DNAH3: variants seen among roughly 807,000 people sequenced by gnomAD.
DNAH3 encodes the protein dynein axonemal heavy chain 3, also known as axonemal beta dynein heavy chain 3.
DNAH3 carries 332 observed loss-of-function variants against 432.5 expected under a neutral mutation model. That is an observed-to-expected ratio of 0.77 (90% CI 0.70 to 0.84). The LOEUF (loss-of-function observed/expected upper bound fraction) is 0.84. Among genes scored for constraint, DNAH3 ranks in the 40% least tolerant of loss-of-function variants. DNAH3 has a pLI of 0.00. For synonymous variants in DNAH3, 1,956 were observed against 1,900.2 expected, an observed-to-expected ratio of 1.03 and a Z score of -0.76; for missense variants, 4,861 against 5,114.0, an observed-to-expected ratio of 0.95 and a Z score of 1.51.
At chr16:21,105,790 T>C (rs1597386780) in intron 15 of DNAH3, among the ~76,000 whole-genome samples, 1 of 152,012 alleles carries the variant, frequency 6.6e-6, no homozygotes, top group East Asian at 1.9e-4. Context: ...AAATAAAAGA[T>C]TACAGGTAAG....
intron 1 of DNAH3, among the ~76,000 whole-genome samples, chr16:21,156,228 T>TTTTATTTTA (rs2092896944): frequency 6.6e-6 from 1 of 150,398 alleles, no homozygotes; most frequent in African/African-American, 2.4e-5. Context: ...TATTTTATTA[T>TTTTATTTTA]TTTATTTTAT....
At chr16:20,980,162 G>GGA (rs1555516893) in intron 49 of DNAH3, among the ~76,000 whole-genome samples, 15 of 124,058 alleles carry the variant, frequency 1.2e-4, no homozygotes, top group African/African-American at 3.8e-4. Context: ...TGACTTTGTA[G>GGA]AAAAAAAAAT....
At chr16:21,154,216 C>T (rs957956702) in intron 1 of DNAH3, among the ~76,000 whole-genome samples, 1 of 152,170 alleles carries the variant, frequency 6.6e-6, no homozygotes, top group South Asian at 2.1e-4. Context: ...CCAACCTGGC[C>T]AACATGGTGA....
intron 57 of DNAH3, among the ~76,000 whole-genome samples, chr16:20,946,763 T>A (rs1320839159): frequency 6.6e-6 from 1 of 151,612 alleles, no homozygotes; most frequent in East Asian, 1.9e-4. Flanking sequence ...CTTTCCCTCC[T>A]TTTACCTGCC....
chr16:21,153,788 T>G (rs1457890305), intron 1 of DNAH3, among the ~76,000 whole-genome samples: 1 of 152,172 alleles, frequency 6.6e-6, no homozygotes, highest in Non-Finnish European at 1.5e-5. Context: ...ACGGCTTCAT[T>G]CTTGAAGTCA....
At chr16:21,066,351 T>G (rs972222561) in intron 24 of DNAH3, among the ~76,000 whole-genome samples, 1 of 152,018 alleles carries the variant, frequency 6.6e-6, no homozygotes, top group East Asian at 1.9e-4. Flanking sequence ...AGAATTCACC[T>G]TTCCGAAACT....
exon 43 of DNAH3, chr16:21,000,496 G>A (rs770896123): frequency 8.1e-6 from 13 of 1,609,792 alleles, no homozygotes; most frequent in Non-Finnish European, 8.5e-7. Flanking sequence ...TGTCTCCATT[G>A]TGGGGATGAT....
At chr16:20,997,875 GGCTTAT>G (rs1300305553) in intron 43 of DNAH3, among the ~76,000 whole-genome samples, 1 of 151,348 alleles carries the variant, frequency 6.6e-6, no homozygotes, top group Non-Finnish European at 1.5e-5. Context: ...CAGGCATGGT[GGCTTAT>G]GTCTGTGGTC....
At chr16:21,062,756 G>T in intron 24 of DNAH3, 73 bp from the exon 25 acceptor site, 1 of 1,251,304 alleles carries the variant, frequency 8.0e-7, no homozygotes, top group Non-Finnish European at 1.1e-6. Flanking sequence ...GATACTTTCT[G>T]ACAGGTAGTC....
At chr16:20,999,952 G>C (rs964086363) in intron 43 of DNAH3, among the ~76,000 whole-genome samples, 1 of 143,458 alleles carries the variant, frequency 7.0e-6, no homozygotes, top group Non-Finnish European at 1.5e-5. Context: ...ACAAGGAAGA[G>C]AGGAAGGAAA....
intron 12 of DNAH3, among the ~76,000 whole-genome samples, chr16:21,116,455 G>A (rs2092202281): frequency 6.6e-6 from 1 of 152,024 alleles, no homozygotes; most frequent in Admixed American, 6.6e-5. Context: ...CTGCTGCCAC[G>A]AGAAGAAGGA....
chr16:20,967,492 CTTTTTTTTTT>C (rs756357963), intron 52 of DNAH3, among the ~76,000 whole-genome samples: 49 of 52,806 alleles, frequency 9.3e-4, no homozygotes, highest in African/African-American at 4.2e-3. Flanking sequence ...CAGACTTCTG[CTTTTTTTTTT>C]TTTTTTTTTT....
intron 53 of DNAH3, among the ~76,000 whole-genome samples, chr16:20,960,046 G>A (rs1023556105): frequency 7.9e-5 from 12 of 152,092 alleles, no homozygotes; most frequent in African/African-American, 2.9e-4. Flanking sequence ...GGTAGCCAAT[G>A]TGATTAGATT....
chr16:21,121,597 TC>T (rs368115253), intron 10 of DNAH3, among the ~76,000 whole-genome samples: 5 of 151,626 alleles, frequency 3.3e-5, no homozygotes, highest in South Asian at 2.1e-4. Context: ...TTTTTTTTTT[TC>T]TTTTTTCTTT....
rs2086414815 is a variant in DNAH3, at chr16:20,989,323, G to A, written c.6602-1258C>T. Among the ~76,000 whole-genome samples the A allele has an allele frequency of 2.0e-5, 3 of 151,774 alleles. No individual in the cohort carries two copies. In the South Asian group the frequency reaches 6.2e-4, roughly 32 times the overall value. On this transcript the variant is annotated intron_variant, in intron 44 of 61. Transcript: ENST00000261383. ...GGTTCTCCAAGGCCCCACCAGAGCAGCTAGATACAGAGTGTTGATTGGTGC... is the reference window on the plus strand; with the variant it reads ...GGTTCTCCAAGGCCCCACCAGAGCAACTAGATACAGAGTGTTGATTGGTGC...
intron 57 of DNAH3, 37 bp downstream of exon 57, chr16:20,948,446 T>C (rs1166570273): frequency 6.2e-7 from 1 of 1,601,608 alleles, no homozygotes; most frequent in Non-Finnish European, 8.5e-7. Flanking sequence ...CGGAGCCCTG[T>C]GGGGGAAAGA....
At chr16:20,933,884 G>A (rs2083496973) in intron 61 of DNAH3, among the ~76,000 whole-genome samples, 1 of 152,242 alleles carries the variant, frequency 6.6e-6, no homozygotes, top group South Asian at 2.1e-4. Context: ...CTGGAGATGA[G>A]TGTGGGGAGA....
intron 2 of DNAH3, 36 bp downstream of exon 3, chr16:21,145,948 C>T (rs770397879): frequency 4.4e-6 from 6 of 1,367,150 alleles, no homozygotes; most frequent in African/African-American, 1.4e-5. Flanking sequence ...CACCTCCTCA[C>T]CCTCAACAGA....
intron 37 of DNAH3, among the ~76,000 whole-genome samples, chr16:21,030,629 G>C (rs1168251432): frequency 6.6e-6 from 1 of 152,146 alleles, no homozygotes; most frequent in Non-Finnish European, 1.5e-5. Context: ...TTGTTATATA[G>C]CAATAAGTAA....
Sources: gnomAD v4.1 joint callset for allele counts (sites outside exome capture counted in the v4.1 genomes callset) on GRCh38, gnomAD v4.1.1 for gene constraint, MANE v1.5 for transcripts, NCBI Gene and HGNC (gene_info 2026-07-23, HGNC 2026-07-21) for gene names.